The following DCHS2 variants were observed in gnomAD, a reference collection of about 807,000 sequenced individuals.
The protein encoded by DCHS2 is protocadherin-23.
DCHS2 carries 142 observed loss-of-function variants against 182.4 expected under a neutral mutation model. The ratio of observed to expected loss-of-function variants is 0.78; its 90% CI spans 0.68 to 0.89. The LOEUF is 0.89. Ranked by LOEUF, DCHS2 falls within the 40% of genes least tolerant of loss-of-function variation. DCHS2 has a pLI of 0.00. For synonymous variants in DCHS2, 1,740 were observed against 1,663.3 expected (o/e 1.05, Z -1.12); for missense variants, 4,319 against 4,198.6 (o/e 1.03, Z -0.79).
At chr4:154,327,050 T>C (rs775153148) in intron 7 of DCHS2, among the ~76,000 whole-genome samples, 2 of 152,338 alleles carry the variant, frequency 1.3e-5, no homozygotes, top group East Asian at 3.8e-4. Context: ...ATGTCCTTCA[T>C]TAATATTTTA....
intron 1 of DCHS2, among the ~76,000 whole-genome samples, chr4:154,403,252 G>C (rs983162378): frequency 1.3e-5 from 2 of 152,120 alleles, no homozygotes; most frequent in African/African-American, 2.4e-5. Context: ...AATCTTAGGA[G>C]GAAAGCATTT....
chr4:154,383,415 C>A (rs900486869), intron 1 of DCHS2, among the ~76,000 whole-genome samples: 1 of 152,190 alleles, frequency 6.6e-6, no homozygotes, highest in East Asian at 1.9e-4. Context: ...ACCTCAGCAT[C>A]ACACAATACA....
rs1398784412 is a variant in DCHS2, at chr4:154,323,231, A to T, written c.4019-743T>A. On this transcript the variant is annotated intron_variant, in intron 7 of 19. Coordinates refer to ENST00000357232, the MANE Select transcript of DCHS2 (RefSeq NM_001358235.2). Reference sequence around the variant, plus strand: ...ATTGGGAGGCAGATCTAGAGAACTGACCAGATTCAGGTCAGGATTTTGTTT... The same window carrying T: ...ATTGGGAGGCAGATCTAGAGAACTGTCCAGATTCAGGTCAGGATTTTGTTT... 4 of 1,542,954 alleles carry T rather than the reference A, an allele frequency of 2.6e-6. No individual in the cohort carries two copies. The East Asian group carries it at 9.9e-5, about 38-fold the overall frequency.
chr4:154,461,238 C>A (rs149218076), intron 1 of DCHS2, among the ~76,000 whole-genome samples: 3 of 152,136 alleles, frequency 2.0e-5, no homozygotes, highest in Admixed American at 6.6e-5. Flanking sequence ...ATTGAAAACA[C>A]GTTTATCCTT....
Position 154,332,473 on chromosome 4 carries a change from G to A in DCHS2, c.3730+5C>T. The A allele has an allele frequency of 6.2e-7, 1 of 1,603,300 alleles. No homozygotes were observed. Among genetic ancestry groups the A allele is most frequent in the Non-Finnish European group, 8.5e-7 (1 of 1,173,102 alleles). Reference sequence around the variant, plus strand: ...AAGGAATAGGTGGAAACTATGAAGTGCTACCTGTATTAGGATTCATCTTGA... The same window carrying A: ...AAGGAATAGGTGGAAACTATGAAGTACTACCTGTATTAGGATTCATCTTGA... On this transcript the variant is annotated splice_donor_5th_base_variant and intron_variant, in intron 5 of 19. Transcript: ENST00000357232.
chr4:154,427,321 G>A lies in DCHS2; in HGVS notation c.2053-49877C>T, dbSNP rs529366982. Among the ~76,000 whole-genome samples the A allele has an allele frequency of 2.6e-5, 4 of 152,252 alleles. No homozygotes were observed. The South Asian group carries it at 6.2e-4, about 24-fold the overall frequency. ...ACTAACTTGCTCTTGTACCACCACAGAGTTTCAGCCACTCACAGGTGAAAT... is the reference window on the plus strand; with the variant it reads ...ACTAACTTGCTCTTGTACCACCACAAAGTTTCAGCCACTCACAGGTGAAAT... On this transcript the variant is annotated intron_variant, in intron 1 of 19. Transcript: ENST00000357232.
At chr4:154,327,259 CAGT>C (rs1561044406) in intron 7 of DCHS2, among the ~76,000 whole-genome samples, 1 of 152,142 alleles carries the variant, frequency 6.6e-6, no homozygotes, top group Non-Finnish European at 1.5e-5. Context: ...ATTAGTTTCA[CAGT>C]AGATCTGCTC....
At chr4:154,326,612 A>G (rs1736293585) in intron 7 of DCHS2, among the ~76,000 whole-genome samples, 1 of 152,066 alleles carries the variant, frequency 6.6e-6, no homozygotes, top group Admixed American at 6.5e-5. Flanking sequence ...GAGTAGAGAT[A>G]TTTTTCCTTG....
In DCHS2 at chr4:154,292,282, C is replaced by G. The variant is rs148332363; in HGVS notation, c.6463+5569G>C. Among the ~76,000 whole-genome samples, 572 of 152,302 alleles carry G rather than the reference C, an allele frequency of 3.8e-3. 1 individual carries two copies. The highest frequency in any genetic ancestry group is 0.01 in the Middle Eastern group (3 of 294). ...CTTCAAGCTATTGCCACTTTCCTTT[C>G]TTTCCCTTCATAGGAAAAGCTTGTG... On this transcript the variant is annotated intron_variant, in intron 13 of 19. Transcript: ENST00000357232.
At chr4:154,469,279 T>C (rs1395263548) in intron 1 of DCHS2, among the ~76,000 whole-genome samples, 1 of 152,026 alleles carries the variant, frequency 6.6e-6, no homozygotes, top group East Asian at 1.9e-4. Context: ...ATGTCCAAAA[T>C]TTATGACATT....
At chr4:154,334,565 T>C in intron 4 of DCHS2, 1 of 251,878 alleles carries the variant, frequency 4.0e-6, no homozygotes, top group Non-Finnish European at 7.6e-6. Flanking sequence ...AATTTGTAAA[T>C]TGTGTGTACA....
chr4:154,257,869 G>C (rs1732770900), intron 15 of DCHS2, among the ~76,000 whole-genome samples: 1 of 152,170 alleles, frequency 6.6e-6, no homozygotes, highest in South Asian at 2.1e-4. Context: ...AATTTGAAGG[G>C]CTGGTGGGTC....
chr4:154,359,907 A>C (rs1730039374), intron 3 of DCHS2, among the ~76,000 whole-genome samples: 1 of 152,094 alleles, frequency 6.6e-6, no homozygotes, highest in African/African-American at 2.4e-5. Context: ...TTCCTGTCAC[A>C]ATGAGAGGTC....
intron 1 of DCHS2, among the ~76,000 whole-genome samples, chr4:154,413,255 A>G (rs1418196935): frequency 6.6e-6 from 1 of 152,178 alleles, no homozygotes; most frequent in African/African-American, 2.4e-5. Flanking sequence ...AATTTCAATT[A>G]TACTCACTCC....
At chr4:154,462,121 A>G (rs1234996787) in intron 1 of DCHS2, among the ~76,000 whole-genome samples, 1 of 152,142 alleles carries the variant, frequency 6.6e-6, no homozygotes, top group Non-Finnish European at 1.5e-5. Flanking sequence ...TACAACAAAT[A>G]TCTTTTATTA....
At chr4:154,428,730 G>A (rs6851023) in intron 1 of DCHS2, among the ~76,000 whole-genome samples, 77,188 of 151,396 alleles carry the variant, frequency 0.51, 20,804 homozygotes, top group Middle Eastern at 0.67. Flanking sequence ...GTGAAACACC[G>A]TCTCTACTAA....
intron 12 of DCHS2, among the ~76,000 whole-genome samples, chr4:154,302,803 T>TATGAAA (rs377026176): frequency 0.11 from 8,067 of 76,546 alleles, 790 homozygotes; most frequent in African/African-American, 0.25. Flanking sequence ...ATATATATAC[T>TATGAAA]TATATATATT....
rs1274396045 is a variant in DCHS2 at position 154,320,548 on chromosome 4, G to T, written c.4851C>A (p.Asn1617Lys). Residue 1617 changes from asparagine to lysine, a missense_variant, in exon 9 of 20, where the codon AAC (asparagine) becomes AAA (lysine). Coordinates refer to ENST00000357232, the MANE Select transcript of DCHS2 (RefSeq NM_001358235.2). Reference protein sequence around the residue: ...QIVILDVNDHNPTFISFPNAH... With the variant: ...QIVILDVNDHKPTFISFPNAH... The stretch of plus-strand genomic sequence containing the variant: ...CATTGGGGAAAGAAATAAAAGTGGG[G>T]TTGTGGTCATTTACATCCAAAATCA... 6.8e-6 allele frequency: 11 copies of T among 1,613,958 alleles called. No individual in the cohort carries two copies. Among genetic ancestry groups the T allele is most frequent in the Non-Finnish European group, 9.3e-6 (11 of 1,180,016 alleles).
chr4:154,425,827 A>T (rs554835344), intron 1 of DCHS2, among the ~76,000 whole-genome samples: 1 of 152,352 alleles, frequency 6.6e-6, no homozygotes, highest in South Asian at 2.1e-4. Context: ...GGCTAATTGC[A>T]TCTTTGCTTG....
Sources: gnomAD v4.1 joint callset for allele counts (sites outside exome capture counted in the v4.1 genomes callset) on GRCh38, gnomAD v4.1.1 for gene constraint, MANE v1.5 for transcripts, NCBI Gene and HGNC (gene_info 2026-07-23, HGNC 2026-07-21) for gene names.